PCDH15: variants seen among roughly 807,000 people sequenced by gnomAD.
PCDH15 encodes protocadherin related 15, also known as protocadherin-15.
Under a neutral mutation model 178.5 loss-of-function variants are expected in PCDH15, and 129 were observed. That is an observed-to-expected ratio of 0.72 (90% confidence interval 0.63 to 0.84). The LOEUF (loss-of-function observed/expected upper bound fraction) is 0.84. PCDH15 is among the 40% of genes least tolerant of loss of function. PCDH15 has a pLI of 0.00. For synonymous variants in PCDH15, 800 were observed against 732.0 expected, an observed-to-expected ratio of 1.09 and a Z score of -1.50; for missense variants, 2,230 against 2,099.9, an observed-to-expected ratio of 1.06 and a Z score of -1.21.
intron 2 of PCDH15, among the ~76,000 whole-genome samples, chr10:55,391,435 G>GCTCTGTTTTGCTTT (rs1248421725): frequency 6.6e-6 from 1 of 151,482 alleles, no homozygotes; most frequent in Non-Finnish European, 1.5e-5. Flanking sequence ...CAGAAATAAA[G>GCTCTGTTTTGCTTT]CTCTGTTTTG....
At chr10:55,328,229 A>G (rs76685953) in intron 2 of PCDH15, among the ~76,000 whole-genome samples, 9,254 of 142,650 alleles carry the variant, frequency 0.065, 645 homozygotes, top group African/African-American at 0.2. Flanking sequence ...CAATAGGACA[A>G]AACTATATAT....
At chr10:55,164,980 T>C (rs551278768) in intron 2 of PCDH15, among the ~76,000 whole-genome samples, 1 of 152,270 alleles carries the variant, frequency 6.6e-6, no homozygotes, top group South Asian at 2.1e-4. Context: ...TATCTATTTA[T>C]CTATCCGTCA....
chr10:54,270,301 GTTA>G (rs1438033654), intron 8 of PCDH15, among the ~76,000 whole-genome samples: 2 of 152,016 alleles, frequency 1.3e-5, no homozygotes, highest in Non-Finnish European at 2.9e-5. Flanking sequence ...CTTACAGTGC[GTTA>G]TTATTTTATC....
intron 8 of PCDH15, among the ~76,000 whole-genome samples, chr10:54,274,191 G>C (rs1467523204): frequency 6.6e-6 from 1 of 151,882 alleles, no homozygotes; most frequent in East Asian, 1.9e-4. Context: ...ATGGTTACTA[G>C]GCTTAATACC....
chr10:55,378,768 A>C (rs1837458500), intron 2 of PCDH15, among the ~76,000 whole-genome samples: 1 of 151,868 alleles, frequency 6.6e-6, no homozygotes, highest in African/African-American at 2.4e-5. Context: ...ACTAACTAGC[A>C]TTAGGGTTTT....
chr10:54,939,494 CAAAAAAAAA>C (rs71014430), intron 2 of PCDH15, among the ~76,000 whole-genome samples: 5 of 26,686 alleles, frequency 1.9e-4, no homozygotes, highest in Middle Eastern at 0.036. Flanking sequence ...GACTCCGTCT[CAAAAAAAAA>C]AAAAAAAAAA....
intron 21 of PCDH15, among the ~76,000 whole-genome samples, chr10:53,982,151 A>G (rs955096250): frequency 5.9e-5 from 9 of 152,284 alleles, no homozygotes; most frequent in African/African-American, 2.2e-4. Flanking sequence ...AATGGCAATC[A>G]TTAAAAAGTC....
intron 2 of PCDH15, among the ~76,000 whole-genome samples, chr10:55,395,198 AG>A (rs1837895933): frequency 2.1e-5 from 1 of 48,478 alleles, no homozygotes; most frequent in Admixed American, 2.1e-4. Flanking sequence ...TGTGTGTGTG[AG>A]AGAGAGAGAG....
At position 54,380,051 on chromosome 10, in the gene PCDH15, G is replaced by A. The variant is rs531891930; in HGVS notation, c.158-1109C>T. On this transcript the variant is annotated intron_variant, in intron 3 of 37. Transcript: ENST00000644397. ...TTGCATAATTACAAGAAAAGTGGAA[G>A]GCTCTTTAAAATATTTTCTCAGTAA... 1.8e-3 allele frequency among the ~76,000 whole-genome samples: 277 copies of A among 152,078 alleles called. 1 individual carries two copies. The highest frequency in any genetic ancestry group is 6.8e-3 in the Middle Eastern group (2 of 294).
At chr10:54,028,870 A>ATGGCACAT (rs2093206031) in intron 18 of PCDH15, among the ~76,000 whole-genome samples, 1 of 150,760 alleles carries the variant, frequency 6.6e-6, no homozygotes, top group South Asian at 2.1e-4. Context: ...GCGCACCAGC[A>ATGGCACAT]TGGCACATGT....
intron 9 of PCDH15, among the ~76,000 whole-genome samples, chr10:54,223,900 A>C (rs899645127): frequency 6.6e-6 from 1 of 152,124 alleles, no homozygotes; most frequent in Non-Finnish European, 1.5e-5. Context: ...ATTTCCTTAA[A>C]CGCCAAGATG....
At chr10:54,410,438 G>A (rs1169132260) in intron 3 of PCDH15, among the ~76,000 whole-genome samples, 2 of 152,096 alleles carry the variant, frequency 1.3e-5, no homozygotes, top group Non-Finnish European at 2.9e-5. Context: ...GGAAAGCTCT[G>A]GAAGCTGGGG....
chr10:54,745,607 C>T (rs1050303269), intron 1 of PCDH15, among the ~76,000 whole-genome samples: 9 of 152,128 alleles, frequency 5.9e-5, no homozygotes, highest in Non-Finnish European at 1.2e-4. Flanking sequence ...CCACATAATG[C>T]TGTTGGCTCA....
At chr10:55,548,249 CACACAA>C (rs1338697771) in intron 2 of PCDH15, among the ~76,000 whole-genome samples, 10 of 149,272 alleles carry the variant, frequency 6.7e-5, no homozygotes, top group African/African-American at 2.0e-4. Context: ...CACACACACA[CACACAA>C]ACATGATCCT....
At chr10:55,093,856 C>T (rs999657119) in intron 2 of PCDH15, among the ~76,000 whole-genome samples, 1 of 152,076 alleles carries the variant, frequency 6.6e-6, no homozygotes, top group Non-Finnish European at 1.5e-5. Flanking sequence ...CATCTCACAC[C>T]AGTTAGAATG....
chr10:55,397,562 T>C (rs1428508918), intron 2 of PCDH15, among the ~76,000 whole-genome samples: 2 of 152,192 alleles, frequency 1.3e-5, no homozygotes, highest in East Asian at 1.9e-4. Flanking sequence ...TGTTTCTGTG[T>C]TTCATTTTCC....
chr10:54,421,948 A>AAT lies in PCDH15; in HGVS notation c.158-43008_158-43007dup, dbSNP rs59968832. 4.8e-4 allele frequency among the ~76,000 whole-genome samples: 43 copies of AAT among 89,896 alleles called. 2 individuals are homozygous for AAT. The highest frequency in any genetic ancestry group is 2.5e-3 in the South Asian group (7 of 2,848). The allele number at this position is 89,896 out of a possible 152,430, so 59.0% of individuals were successfully genotyped here. A position where few individuals can be genotyped will look rare whatever the true frequency, so the allele number is the denominator to read the frequency against. ...TATACACTATATATATATATATAAA[A>AAT]ATATATATATATATATTTAGGGAGG... On this transcript the variant is annotated intron_variant, in intron 3 of 37. Coordinates refer to ENST00000644397, the MANE Select transcript of PCDH15 (RefSeq NM_001384140.1).
At chr10:54,001,224 A>G (rs1321702312) in intron 20 of PCDH15, among the ~76,000 whole-genome samples, 1 of 152,228 alleles carries the variant, frequency 6.6e-6, no homozygotes, top group Non-Finnish European at 1.5e-5. Context: ...GTTCGTGAGT[A>G]ATAAGAAATC....
intron 9 of PCDH15, among the ~76,000 whole-genome samples, chr10:54,218,640 C>A (rs187408962): frequency 6.6e-6 from 1 of 152,130 alleles, no homozygotes; most frequent in African/African-American, 2.4e-5. Context: ...TGATCTCAGG[C>A]CTCCAGAACT....
Sources: allele counts gnomAD v4.1 joint callset (sites outside exome capture counted in the v4.1 genomes callset), GRCh38; gene constraint gnomAD v4.1.1; transcripts MANE v1.5; gene names NCBI Gene and HGNC (gene_info 2026-07-23, HGNC 2026-07-21).